NCAM2: variants seen among roughly 807,000 people sequenced by gnomAD.
The protein encoded by NCAM2 is N-CAM-2.
Under a neutral mutation model 98.1 loss-of-function variants are expected in NCAM2, and 30 were observed. The ratio of observed to expected loss-of-function variants is 0.31; its 90% CI spans 0.23 to 0.41. The LOEUF is 0.41. Ranked by LOEUF, NCAM2 falls within the 10% of genes least tolerant of loss-of-function variation. The probability of loss-of-function intolerance (pLI) is 1.00; values close to 1 mark genes in which losing one functional copy is unlikely to be tolerated. For synonymous variants in NCAM2, 368 were observed against 342.4 expected, an observed-to-expected ratio of 1.07 and a Z score of -0.83; for missense variants, 867 against 1,005.8, an observed-to-expected ratio of 0.86 and a Z score of 1.87.
intron 14 of NCAM2, among the ~76,000 whole-genome samples, chr21:21,472,739 G>A (rs1033555642): frequency 1.3e-5 from 2 of 151,814 alleles, no homozygotes; most frequent in Non-Finnish European, 1.5e-5. Flanking sequence ...GAACACAGAA[G>A]GTAATGAATA....
chr21:21,295,833 G>C (rs9981289), intron 5 of NCAM2, among the ~76,000 whole-genome samples: 3 of 113,752 alleles, frequency 2.6e-5, no homozygotes, highest in East Asian at 7.9e-4. Context: ...GCTTTTGTCT[G>C]TTTCTCTCTC....
chr21:21,480,582 G>A (rs1476699728), intron 15 of NCAM2, among the ~76,000 whole-genome samples: 1 of 152,080 alleles, frequency 6.6e-6, no homozygotes, highest in Non-Finnish European at 1.5e-5. Flanking sequence ...TAAGGTCAGA[G>A]AGGGAATGCA....
At chr21:21,227,205 A>G (rs1206747573) in intron 1 of NCAM2, among the ~76,000 whole-genome samples, 2 of 151,968 alleles carry the variant, frequency 1.3e-5, no homozygotes, top group East Asian at 3.9e-4. Flanking sequence ...AAGAAAAATA[A>G]TACTATTATT....
intron 5 of NCAM2, among the ~76,000 whole-genome samples, chr21:21,294,226 C>A (rs111893229): frequency 3.8e-4 from 57 of 151,670 alleles, no homozygotes; most frequent in African/African-American, 1.3e-3. Flanking sequence ...ATTATGATTA[C>A]ATTCATTTTA....
At chr21:21,467,123 ATGGGCTCTAAG>A (rs1377388542) in intron 13 of NCAM2, among the ~76,000 whole-genome samples, 1 of 151,862 alleles carries the variant, frequency 6.6e-6, no homozygotes, top group Non-Finnish European at 1.5e-5. Flanking sequence ...CACAAATTAT[ATGGGCTCTAAG>A]TGTCAGAAAA....
At chr21:21,497,533 G>A (rs62216093) in intron 15 of NCAM2, among the ~76,000 whole-genome samples, 17,370 of 152,016 alleles carry the variant, frequency 0.11, 1,202 homozygotes, top group East Asian at 0.3. Context: ...TTACTGTTCC[G>A]AATCCCTGAT....
intron 1 of NCAM2, among the ~76,000 whole-genome samples, chr21:21,132,310 T>G (rs1321542171): frequency 6.6e-6 from 1 of 152,172 alleles, no homozygotes; most frequent in Non-Finnish European, 1.5e-5. Context: ...AGAACCCTTG[T>G]GACTACAATA....
chr21:21,450,797 C>T (rs1030585809), intron 12 of NCAM2, among the ~76,000 whole-genome samples: 1,052 of 27,050 alleles, frequency 0.039, 13 homozygotes, highest in African/African-American at 0.078. Context: ...TATGTATACA[C>T]ACACACACAC....
At chr21:21,131,733 T>A (rs2066940818) in intron 1 of NCAM2, among the ~76,000 whole-genome samples, 2 of 152,238 alleles carry the variant, frequency 1.3e-5, no homozygotes, top group African/African-American at 4.8e-5. Flanking sequence ...ATAATAGTGC[T>A]GTATGAAAAT....
intron 12 of NCAM2, among the ~76,000 whole-genome samples, chr21:21,456,718 T>A (rs183205941): frequency 6.6e-6 from 1 of 152,256 alleles, no homozygotes; most frequent in East Asian, 1.9e-4. Flanking sequence ...TAGTCCTCAA[T>A]GTGATGGTAT....
chr21:21,002,275 G>A (rs1439775185), intron 1 of NCAM2, among the ~76,000 whole-genome samples: 1 of 152,092 alleles, frequency 6.6e-6, no homozygotes, highest in Admixed American at 6.6e-5. Context: ...GGTGGGTCCC[G>A]AGAGTGTCAG....
intron 1 of NCAM2, among the ~76,000 whole-genome samples, chr21:21,221,829 G>A (rs1012298447): frequency 2.6e-5 from 4 of 152,124 alleles, no homozygotes; most frequent in African/African-American, 4.8e-5. Context: ...CACATTCTCA[G>A]TGTAGGTGAA....
intron 15 of NCAM2, among the ~76,000 whole-genome samples, chr21:21,486,672 TA>T (rs932427948): frequency 5.9e-5 from 9 of 152,296 alleles, no homozygotes; most frequent in Admixed American, 1.3e-4. Flanking sequence ...AATGACAAAA[TA>T]TTTTTTTGGA....
chr21:21,355,291 C>T (rs147249139), intron 8 of NCAM2, among the ~76,000 whole-genome samples: 35 of 151,156 alleles, frequency 2.3e-4, no homozygotes, highest in Non-Finnish European at 3.5e-4. Flanking sequence ...AAAAATTAGC[C>T]GAGCCTGGTG....
At chr21:21,333,969 T>C (rs2074785469) in intron 6 of NCAM2, among the ~76,000 whole-genome samples, 1 of 152,102 alleles carries the variant, frequency 6.6e-6, no homozygotes, top group Non-Finnish European at 1.5e-5. Flanking sequence ...TTATTATTTT[T>C]TTTTTCGGAC....
chr21:21,146,609 T>G (rs1241293832), intron 1 of NCAM2, among the ~76,000 whole-genome samples: 2 of 149,432 alleles, frequency 1.3e-5, no homozygotes, highest in African/African-American at 4.9e-5. Flanking sequence ...GTGTGTGTGT[T>G]TTTCCTTTAC....
chr21:21,333,521 A>G (rs995726593), intron 6 of NCAM2, among the ~76,000 whole-genome samples: 1 of 152,210 alleles, frequency 6.6e-6, no homozygotes, highest in South Asian at 2.1e-4. Flanking sequence ...AATTTGCTAT[A>G]CATCAAACAT....
intron 1 of NCAM2, among the ~76,000 whole-genome samples, chr21:21,237,949 CTTTTTTTTTTT>C (rs71195313): frequency 8.2e-4 from 94 of 114,458 alleles, no homozygotes; most frequent in African/African-American, 8.4e-4. Context: ...CATTGTAATT[CTTTTTTTTTTT>C]TTTTTTTTTT....
At chr21:21,287,098 C>T (rs1300796140) in intron 4 of NCAM2, among the ~76,000 whole-genome samples, 2 of 151,956 alleles carry the variant, frequency 1.3e-5, no homozygotes, top group Middle Eastern at 3.4e-3. Context: ...CATCTGAAAT[C>T]GAATGTATAA....
Sources: gnomAD v4.1 joint callset for allele counts (sites outside exome capture counted in the v4.1 genomes callset) on GRCh38, gnomAD v4.1.1 for gene constraint, MANE v1.5 for transcripts, NCBI Gene and HGNC (gene_info 2026-07-23, HGNC 2026-07-21) for gene names.